Variants in INPP4B observed in about 807,000 individuals in gnomAD.
INPP4B encodes inositol polyphosphate-4-phosphatase type II B, also known as inositol polyphosphate 4-phosphatase type II.
INPP4B carries 55 observed loss-of-function variants against 122.5 expected under a neutral mutation model. That is an observed-to-expected ratio of 0.45 (90% CI 0.36 to 0.56). The LOEUF (loss-of-function observed/expected upper bound fraction) is 0.56. Ranked by LOEUF, INPP4B falls within the 20% of genes least tolerant of loss-of-function variation. The probability of loss-of-function intolerance (pLI) is 0.00; values close to 1 mark genes in which losing one functional copy is unlikely to be tolerated. For missense variants in INPP4B, 1,000 were observed against 1,097.7 expected (o/e 0.91, Z 1.26); for synonymous variants, 403 against 388.7 (o/e 1.04, Z -0.43).
intron 1 of INPP4B, chr4:142,765,976 A>G (rs1362421777): frequency 6.6e-6 from 1 of 152,046 alleles, no homozygotes. Context: ...CCAGCCCATT[A>G]GATTCTCACT....
At chr4:142,435,481 A>AG (rs555931155) in intron 3 of INPP4B, among the ~76,000 whole-genome samples, 14 of 5,832 alleles carry the variant, frequency 2.4e-3, no homozygotes, top group South Asian at 5.6e-3. Context: ...TATTTGGGGG[A>AG]GGGGGGGTGG....
intron 17 of INPP4B, among the ~76,000 whole-genome samples, chr4:142,157,329 T>G (rs552568568): frequency 6.6e-6 from 1 of 152,300 alleles, no homozygotes; most frequent in East Asian, 1.9e-4. Flanking sequence ...GAAGGAATGT[T>G]TTCAGTAGAA....
intron 9 of INPP4B, among the ~76,000 whole-genome samples, chr4:142,295,240 A>T (rs28607412): frequency 0.012 from 1,869 of 152,336 alleles, 47 homozygotes; most frequent in African/African-American, 0.042. Flanking sequence ...TCAAAGAAAC[A>T]GTGAGTATTT....
intron 25 of INPP4B, among the ~76,000 whole-genome samples, chr4:142,042,557 T>C (rs1360540622): frequency 9.8e-5 from 3 of 30,544 alleles, no homozygotes; most frequent in Non-Finnish European, 2.5e-4. Flanking sequence ...TATGTATGTA[T>C]GTATTTATTT....
At chr4:142,833,972 G>A (rs1243302252) in intron 1 of INPP4B, among the ~76,000 whole-genome samples, 1 of 152,082 alleles carries the variant, frequency 6.6e-6, no homozygotes, top group Non-Finnish European at 1.5e-5. Context: ...GGGAATCTGG[G>A]TAGTGATTTT....
intron 2 of INPP4B, among the ~76,000 whole-genome samples, chr4:142,589,955 T>A (rs1395760006): frequency 6.6e-6 from 1 of 152,048 alleles, no homozygotes; most frequent in Non-Finnish European, 1.5e-5. Context: ...AATTAAAAAA[T>A]AAGCTGTTAG....
intron 2 of INPP4B, among the ~76,000 whole-genome samples, chr4:142,648,536 G>C (rs181738667): frequency 1.3e-5 from 2 of 152,212 alleles, no homozygotes; most frequent in African/African-American, 4.8e-5. Flanking sequence ...CTGGCTCAGT[G>C]GGTCCCACAC....
chr4:142,429,127 C>T (rs1808740875), intron 5 of INPP4B, 46 bp downstream of exon 5: 1 of 1,149,042 alleles, frequency 8.7e-7, no homozygotes, highest in South Asian at 1.4e-5. Flanking sequence ...CAAACTACTA[C>T]ACAAATTCTT....
chr4:142,285,305 T>A (rs1475442934), intron 9 of INPP4B, among the ~76,000 whole-genome samples: 1 of 151,830 alleles, frequency 6.6e-6, no homozygotes, highest in Non-Finnish European at 1.5e-5. Context: ...GGAGTAATGC[T>A]GAACTGAGAC....
intron 1 of INPP4B, among the ~76,000 whole-genome samples, chr4:142,797,327 C>T (rs917215761): frequency 2.0e-5 from 3 of 151,874 alleles, no homozygotes; most frequent in African/African-American, 7.2e-5. Flanking sequence ...TGAAACATAG[C>T]ACCTATAAAA....
chr4:142,123,244 C>T (rs752190943), intron 20 of INPP4B, 48 bp downstream of exon 20: 1 of 1,433,334 alleles, frequency 7.0e-7, no homozygotes, highest in African/African-American at 1.4e-5. Flanking sequence ...GATTAAATGT[C>T]CTTCTGAATA....
At chr4:142,370,574 A>G (rs1387740534) in intron 7 of INPP4B, among the ~76,000 whole-genome samples, 1 of 152,136 alleles carries the variant, frequency 6.6e-6, no homozygotes, top group African/African-American at 2.4e-5. Flanking sequence ...AAAAAATCTT[A>G]GAACTAATAA....
intron 17 of INPP4B, among the ~76,000 whole-genome samples, chr4:142,156,340 C>CA (rs1817194134): frequency 1.3e-5 from 2 of 152,032 alleles, no homozygotes; most frequent in Admixed American, 6.6e-5. Context: ...TTAGAAACCA[C>CA]AAAAACTAGG....
chr4:142,073,351 G>C (rs888620193), intron 25 of INPP4B, among the ~76,000 whole-genome samples: 7 of 152,048 alleles, frequency 4.6e-5, no homozygotes, highest in Non-Finnish European at 1.0e-4. Context: ...GTGGTCTTCT[G>C]ATCAGGAGAA....
intron 1 of INPP4B, among the ~76,000 whole-genome samples, chr4:142,797,193 TAGAG>T (rs1001060949): frequency 3.4e-4 from 52 of 151,954 alleles, no homozygotes; most frequent in Middle Eastern, 3.4e-3. Context: ...AAAAAGCAGA[TAGAG>T]AGCTCTAGAT....
chr4:142,269,987 T>C (rs1245808199), intron 10 of INPP4B, among the ~76,000 whole-genome samples: 2 of 152,190 alleles, frequency 1.3e-5, no homozygotes, highest in Non-Finnish European at 2.9e-5. Context: ...GGCAATTGCA[T>C]TCCTAAGAAA....
At chr4:142,186,957 A>T (rs1226099310) in intron 15 of INPP4B, among the ~76,000 whole-genome samples, 1 of 152,144 alleles carries the variant, frequency 6.6e-6, no homozygotes, top group Non-Finnish European at 1.5e-5. Flanking sequence ...ATATACAAGG[A>T]GTTGTATATA....
chr4:142,143,286 A>G (rs13148456), intron 18 of INPP4B, among the ~76,000 whole-genome samples: 14,414 of 152,042 alleles, frequency 0.095, 887 homozygotes, highest in South Asian at 0.21. Flanking sequence ...AAAACTATTT[A>G]CTATCTTCCT....
chr4:142,185,447 G>A (rs965879210), intron 15 of INPP4B, among the ~76,000 whole-genome samples: 4 of 151,052 alleles, frequency 2.6e-5, no homozygotes, highest in African/African-American at 7.3e-5. Flanking sequence ...TACTTCACAC[G>A]TGAATAATAT....
Sources: allele counts gnomAD v4.1 joint callset (sites outside exome capture counted in the v4.1 genomes callset), GRCh38; gene constraint gnomAD v4.1.1; transcripts MANE v1.5; gene names NCBI Gene and HGNC (gene_info 2026-07-23, HGNC 2026-07-21).